Variants in CNTN3 observed in about 807,000 individuals in gnomAD.
CNTN3 encodes contactin-3.
CNTN3 carries 60 observed loss-of-function variants against 119.1 expected under a neutral mutation model. The ratio of observed to expected loss-of-function variants is 0.50; its 90% CI spans 0.41 to 0.62. The LOEUF (loss-of-function observed/expected upper bound fraction) is 0.62, where lower values mean the gene tolerates loss of function less well. Ranked by LOEUF, CNTN3 falls within the 20% of genes least tolerant of loss-of-function variation. CNTN3 has a pLI of 0.00. For missense variants in CNTN3, 1,101 were observed against 1,242.4 expected, an observed-to-expected ratio of 0.89 and a Z score of 1.71; for synonymous variants, 450 against 438.7, an observed-to-expected ratio of 1.03 and a Z score of -0.32.
In CNTN3 at chr3:74,499,761, A is replaced by G; in HGVS notation, c.80T>C (p.Val27Ala). Residue 27 changes from valine to alanine, a missense_variant, in exon 3 of 23, where the codon GTA becomes GCA. Coordinates refer to ENST00000263665, the MANE Select transcript of CNTN3 (RefSeq NM_020872.3). Reference protein sequence around the residue: ...LGGELLLQGPVFIKEPSNSIF... With the variant: ...LGGELLLQGPAFIKEPSNSIF... ...GCTGTTGCTGGGTTCTTTGATAAAT[A>G]CAGGGCCTTGTAAGAGAAGCTCACC... 2 of 1,608,636 alleles carry G rather than the reference A, an allele frequency of 1.2e-6. No homozygotes were observed. The highest frequency in any genetic ancestry group is 8.5e-7 in the Non-Finnish European group (1 of 1,177,640).
intron 3 of CNTN3, among the ~76,000 whole-genome samples, chr3:74,489,392 CCCTCCCTCCTCCCCTTCCCTT>C (rs1304368974): frequency 6.8e-6 from 1 of 148,058 alleles, no homozygotes; most frequent in Non-Finnish European, 1.5e-5. Flanking sequence ...GAAAGCCCTT[CCCTCCCTCCTCCCCTTCCCTT>C]CCTCCCTCCC....
At chr3:74,376,031 G>T (rs982941117) in intron 5 of CNTN3, among the ~76,000 whole-genome samples, 4 of 152,096 alleles carry the variant, frequency 2.6e-5, no homozygotes, top group African/African-American at 7.2e-5. Flanking sequence ...ACCAGCAGAG[G>T]TCTAAGCCAT....
chr3:74,550,685 T>C (rs1703977126), intron 1 of CNTN3, among the ~76,000 whole-genome samples: 1 of 152,152 alleles, frequency 6.6e-6, no homozygotes, highest in Non-Finnish European at 1.5e-5. Flanking sequence ...ACTACAGGCA[T>C]GTGCCACCAT....
At chr3:74,574,494 G>A (rs186950503) in intron 1 of CNTN3, among the ~76,000 whole-genome samples, 1 of 152,214 alleles carries the variant, frequency 6.6e-6, no homozygotes, top group East Asian at 1.9e-4. Flanking sequence ...TAAGATCCCT[G>A]CTTTATGTTT....
intron 2 of CNTN3, among the ~76,000 whole-genome samples, chr3:74,511,888 A>G (rs1158944049): frequency 6.6e-6 from 1 of 152,050 alleles, no homozygotes; most frequent in Non-Finnish European, 1.5e-5. Flanking sequence ...TGTTATGAAA[A>G]ATTCTGCTGA....
chr3:74,447,280 A>G (rs978875307), intron 4 of CNTN3, among the ~76,000 whole-genome samples: 2 of 152,154 alleles, frequency 1.3e-5, no homozygotes, highest in African/African-American at 4.8e-5. Context: ...ACTACTGAAC[A>G]ACATATGGTG....
chr3:74,330,438 TG>T (rs1224269159), intron 13 of CNTN3, among the ~76,000 whole-genome samples: 2 of 152,096 alleles, frequency 1.3e-5, no homozygotes, highest in African/African-American at 2.4e-5. Context: ...GATGCATTTG[TG>T]ATGATGCTGA....
chr3:74,293,485 CT>C (rs1228448978), intron 19 of CNTN3, among the ~76,000 whole-genome samples: 4 of 152,108 alleles, frequency 2.6e-5, no homozygotes, highest in South Asian at 2.1e-4. Flanking sequence ...GCTGCCCCCA[CT>C]TTTTTTGAGA....
At chr3:74,594,301 T>A (rs1048736308) in intron 1 of CNTN3, among the ~76,000 whole-genome samples, 13 of 150,772 alleles carry the variant, frequency 8.6e-5, no homozygotes, top group Non-Finnish European at 1.2e-4. Context: ...ACTTTTTTTT[T>A]AATTATTATA....
chr3:74,373,094 TTCAG>T (rs1704381925), intron 5 of CNTN3, among the ~76,000 whole-genome samples: 1 of 152,232 alleles, frequency 6.6e-6, no homozygotes, highest in African/African-American at 2.4e-5. Context: ...TTCATGAAAT[TTCAG>T]TCAGTCATGT....
intron 1 of CNTN3, among the ~76,000 whole-genome samples, chr3:74,571,925 G>A (rs1704341513): frequency 6.6e-6 from 1 of 151,972 alleles, no homozygotes; most frequent in Non-Finnish European, 1.5e-5. Context: ...TACCAGTCAG[G>A]GTATCATATG....
intron 5 of CNTN3, among the ~76,000 whole-genome samples, chr3:74,387,385 T>C (rs934372840): frequency 2.6e-5 from 4 of 152,170 alleles, no homozygotes; most frequent in Admixed American, 1.3e-4. Flanking sequence ...TATAAGCCAA[T>C]GAAAATGTTC....
At chr3:74,348,613 T>A (rs985768226) in intron 11 of CNTN3, among the ~76,000 whole-genome samples, 10 of 152,168 alleles carry the variant, frequency 6.6e-5, no homozygotes, top group African/African-American at 2.4e-4. Context: ...TTGGGCTTCA[T>A]GAGAGGAGAG....
intron 13 of CNTN3, among the ~76,000 whole-genome samples, chr3:74,312,515 T>C (rs1297159626): frequency 1.4e-5 from 2 of 147,776 alleles, no homozygotes; most frequent in Non-Finnish European, 3.0e-5. Flanking sequence ...CCTAATCTGC[T>C]GGGGTTTTCT....
intron 16 of CNTN3, among the ~76,000 whole-genome samples, chr3:74,300,775 A>C (rs898023264): frequency 6.6e-6 from 1 of 152,214 alleles, no homozygotes; most frequent in African/African-American, 2.4e-5. Context: ...CAGATTCTGA[A>C]AAGGCAATCT....
chr3:74,384,561 A>G (rs1267834882), intron 5 of CNTN3, among the ~76,000 whole-genome samples: 2 of 152,206 alleles, frequency 1.3e-5, no homozygotes, highest in African/African-American at 4.8e-5. Flanking sequence ...TAGTGATTCA[A>G]TATTACATTT....
In CNTN3 at chr3:74,362,019, T is replaced by C; in HGVS notation, c.1235A>G (p.Lys412Arg). 1 of 1,613,462 alleles carries C rather than the reference T, an allele frequency of 6.2e-7. No individual in the cohort carries two copies. The highest frequency in any genetic ancestry group is 8.5e-7 in the Non-Finnish European group (1 of 1,179,538). The part of the protein sequence containing the change: ...KVVASAPDFS[K>R]NPMKKLVQVQ... Reference sequence around the variant, plus strand: ...CTGAACCAACTTCTTCATTGGATTCTTTGAAAAATCTGGAGCAGAAGCTGA... The same window carrying C: ...CTGAACCAACTTCTTCATTGGATTCCTTGAAAAATCTGGAGCAGAAGCTGA... Residue 412 changes from lysine (K) to arginine (R), a missense_variant, in exon 11 of 23, where the codon AAG becomes AGG. Transcript: ENST00000263665.
At chr3:74,502,060 C>G (rs978356005) in intron 2 of CNTN3, among the ~76,000 whole-genome samples, 7 of 152,070 alleles carry the variant, frequency 4.6e-5, no homozygotes, top group African/African-American at 1.7e-4. Context: ...CATTTCCTAA[C>G]ATTTTTCTAG....
At chr3:74,579,272 C>T (rs2106664611) in intron 1 of CNTN3, among the ~76,000 whole-genome samples, 1 of 151,272 alleles carries the variant, frequency 6.6e-6, no homozygotes, top group South Asian at 2.1e-4. Context: ...ATTGACAGAT[C>T]TAAAGAGAAA....
Sources: allele counts gnomAD v4.1 joint callset (sites outside exome capture counted in the v4.1 genomes callset), GRCh38; gene constraint gnomAD v4.1.1; transcripts MANE v1.5; gene names NCBI Gene and HGNC (gene_info 2026-07-23, HGNC 2026-07-21).